The following DNAJC6 variants were observed in gnomAD, a reference collection of about 807,000 sequenced individuals.
DNAJC6 encodes DnaJ heat shock protein family (Hsp40) member C6, also known as auxilin.
In DNAJC6, 34 loss-of-function variants were observed where a neutral mutation model predicts 110.0. That is an observed-to-expected ratio of 0.31 (90% CI 0.24 to 0.41). DNAJC6 has a LOEUF of 0.41. Among genes scored for constraint, DNAJC6 ranks in the 10% least tolerant of loss-of-function variants. The pLI, the probability that DNAJC6 is intolerant of heterozygous loss-of-function variation, is 1.00. For synonymous variants in DNAJC6, 406 were observed against 437.2 expected, an observed-to-expected ratio of 0.93 and a Z score of 0.89; for missense variants, 1,031 against 1,207.8, an observed-to-expected ratio of 0.85 and a Z score of 2.17.
At chr1:65,412,827 T>C in intron 18 of DNAJC6, 97 bp from the exon 19 acceptor site, 1 of 1,017,246 alleles carries the variant, frequency 9.8e-7, no homozygotes, top group Non-Finnish European at 1.5e-6. Flanking sequence ...AGAAAAACAT[T>C]TCCATTGCTT....
Position 65,397,331 on chromosome 1 carries a change from T to TA in DNAJC6, c.2039-1474dup, listed in dbSNP as rs976333035. On this transcript the variant is annotated intron_variant, in intron 13 of 18. Coordinates refer to ENST00000371069, the MANE Select transcript of DNAJC6 (RefSeq NM_001256864.2). The stretch of plus-strand genomic sequence containing the variant: ...AGGCGTCGCCAATCTCTCATGAAAA[T>TA]AAAAAAAATACTGCCTTTGGGCTCA... Among the ~76,000 whole-genome samples the TA allele has an allele frequency of 7.3e-5, 11 of 151,654 alleles. 1 individual carries two copies. Among genetic ancestry groups the TA allele is most frequent in the Admixed American group, 5.9e-4 (9 of 15,222 alleles).
At chr1:65,302,942 C>G (rs1285569900) in intron 1 of DNAJC6, among the ~76,000 whole-genome samples, 1 of 152,138 alleles carries the variant, frequency 6.6e-6, no homozygotes, top group Non-Finnish European at 1.5e-5. Context: ...ACTTTCTGGC[C>G]CCAGAAACTG....
intron 1 of DNAJC6, among the ~76,000 whole-genome samples, chr1:65,314,384 G>A (rs1370654662): frequency 6.6e-6 from 1 of 152,088 alleles, no homozygotes; most frequent in Non-Finnish European, 1.5e-5. Flanking sequence ...ATACTTCATG[G>A]AAGTATAATA....
intron 1 of DNAJC6, among the ~76,000 whole-genome samples, chr1:65,355,637 AGT>A (rs1645535986): frequency 6.6e-6 from 1 of 152,224 alleles, no homozygotes; most frequent in African/African-American, 2.4e-5. Context: ...CCTGAATATT[AGT>A]CCTGCAAATA....
intron 1 of DNAJC6, among the ~76,000 whole-genome samples, chr1:65,268,325 C>T (rs1653401967): frequency 6.6e-6 from 1 of 152,094 alleles, no homozygotes; most frequent in African/African-American, 2.4e-5. Flanking sequence ...TCTAGCATAT[C>T]TCAAAATGTT....
chr1:65,341,920 C>T (rs1645393116), intron 1 of DNAJC6, among the ~76,000 whole-genome samples: 1 of 152,068 alleles, frequency 6.6e-6, no homozygotes, highest in African/African-American at 2.4e-5. Context: ...TGTAGTTTTC[C>T]ACTCCTGCCT....
chr1:65,290,741 ATTG>A (rs766009590), intron 1 of DNAJC6, among the ~76,000 whole-genome samples: 1 of 152,174 alleles, frequency 6.6e-6, no homozygotes, highest in Non-Finnish European at 1.5e-5. Flanking sequence ...ATCTTAGAGT[ATTG>A]TTGTAAGCAT....
intron 1 of DNAJC6, among the ~76,000 whole-genome samples, chr1:65,347,686 C>T (rs1645450203): frequency 6.6e-6 from 1 of 152,024 alleles, no homozygotes; most frequent in South Asian, 2.1e-4. Flanking sequence ...CTCTTTTCCC[C>T]GTTGTCTCCC....
chr1:65,330,812 A>G (rs1645282129), intron 1 of DNAJC6, among the ~76,000 whole-genome samples: 1 of 152,142 alleles, frequency 6.6e-6, no homozygotes. Context: ...TCTGGAATGG[A>G]TGTTGTATAA....
chr1:65,346,599 C>T (rs751515559), intron 1 of DNAJC6, among the ~76,000 whole-genome samples: 7 of 152,034 alleles, frequency 4.6e-5, no homozygotes, highest in Non-Finnish European at 1.0e-4. Context: ...AGGAAAATTA[C>T]TTTCTTTTTC....
In DNAJC6 at chr1:65,324,473, C is replaced by T. The variant is rs144935316; in HGVS notation, c.193+14535C>T. On this transcript the variant is annotated intron_variant, in intron 1 of 18. Transcript: ENST00000371069. ...CTCCCGGGTTCAAGCAATTCTCTGC[C>T]TCAGCCTCCTGAGTAGCTGGGATTA... Among the ~76,000 whole-genome samples, 213 of 152,236 alleles carry T rather than the reference C, an allele frequency of 1.4e-3. 6 individuals carry two copies. The East Asian group carries it at 0.031, about 22-fold the overall frequency.
chr1:65,347,057 A>G (rs1218136762), intron 1 of DNAJC6, among the ~76,000 whole-genome samples: 1 of 152,188 alleles, frequency 6.6e-6, no homozygotes, highest in African/African-American at 2.4e-5. Context: ...ATAATGCAGC[A>G]CTGTGAGAGA....
intron 6 of DNAJC6, 108 bp from the exon 7 acceptor site, chr1:65,385,604 A>T: frequency 1.0e-6 from 1 of 962,330 alleles, no homozygotes; most frequent in Non-Finnish European, 1.5e-6. Context: ...TGATAGAATA[A>T]GTTTTTATTA....
chr1:65,371,252 C>A (rs1167735702), intron 4 of DNAJC6, among the ~76,000 whole-genome samples: 1 of 152,140 alleles, frequency 6.6e-6, no homozygotes, highest in Non-Finnish European at 1.5e-5. Context: ...AAACTTTAGA[C>A]TTTAAAAATT....
intron 1 of DNAJC6, among the ~76,000 whole-genome samples, chr1:65,334,879 T>C (rs1645320630): frequency 6.6e-6 from 1 of 152,218 alleles, no homozygotes; most frequent in Non-Finnish European, 1.5e-5. Context: ...GAAGGCCTGT[T>C]ATATTATAGG....
intron 15 of DNAJC6, among the ~76,000 whole-genome samples, chr1:65,405,633 C>T (rs1375422775): frequency 6.6e-6 from 1 of 152,040 alleles, no homozygotes; most frequent in Non-Finnish European, 1.5e-5. Context: ...ACTGCTCTGA[C>T]CTGCAGTTTG....
At chr1:65,387,997 G>A (rs1645888802) in intron 8 of DNAJC6, among the ~76,000 whole-genome samples, 1 of 152,184 alleles carries the variant, frequency 6.6e-6, no homozygotes, top group Admixed American at 6.5e-5. Flanking sequence ...AGGCTACAGA[G>A]AGAATATGAA....
intron 15 of DNAJC6, among the ~76,000 whole-genome samples, chr1:65,403,391 G>A (rs1203761875): frequency 1.3e-5 from 2 of 152,176 alleles, no homozygotes; most frequent in African/African-American, 4.8e-5. Flanking sequence ...GCTGAGTGTG[G>A]GAAGGGGTAT....
chr1:65,326,424 C>T (rs1398364106), intron 1 of DNAJC6, among the ~76,000 whole-genome samples: 1 of 152,082 alleles, frequency 6.6e-6, no homozygotes, highest in African/African-American at 2.4e-5. Flanking sequence ...TTGAACATTC[C>T]AGATAAAGTT....
Sources: gnomAD v4.1 joint callset for allele counts (sites outside exome capture counted in the v4.1 genomes callset) on GRCh38, gnomAD v4.1.1 for gene constraint, MANE v1.5 for transcripts, NCBI Gene and HGNC (gene_info 2026-07-23, HGNC 2026-07-21) for gene names.